The following SNX30 variants were observed in gnomAD, a reference collection of about 807,000 sequenced individuals.
SNX30 encodes the protein sorting nexin family member 30, also known as sorting nexin-30.
Under a neutral mutation model 46.4 loss-of-function variants are expected in SNX30, and 24 were observed. That is an observed-to-expected ratio of 0.52 (90% CI 0.37 to 0.73). The LOEUF is 0.73. SNX30 is among the 30% of genes least tolerant of loss of function. The pLI, the probability that SNX30 is intolerant of heterozygous loss-of-function variation, is 0.00. For synonymous variants in SNX30, 189 were observed against 211.5 expected (o/e 0.89, Z 0.92); for missense variants, 533 against 555.7 (o/e 0.96, Z 0.41).
intron 7 of SNX30, among the ~76,000 whole-genome samples, chr9:112,857,088 G>A (rs1841143675): frequency 6.6e-6 from 1 of 152,210 alleles, no homozygotes; most frequent in Non-Finnish European, 1.5e-5. Context: ...GGGGCGCCCT[G>A]CCTTTCCCGA....
At chr9:112,860,709 G>C (rs1841211517) in intron 7 of SNX30, among the ~76,000 whole-genome samples, 1 of 152,308 alleles carries the variant, frequency 6.6e-6, no homozygotes, top group East Asian at 1.9e-4. Flanking sequence ...GGGTGGAGTA[G>C]CATTGGCAAA....
intron 7 of SNX30, among the ~76,000 whole-genome samples, chr9:112,854,713 G>A (rs1841092475): frequency 6.6e-6 from 1 of 152,250 alleles, no homozygotes; most frequent in South Asian, 2.1e-4. Flanking sequence ...TTGGTGGGCA[G>A]AGGAGGGTGC....
chr9:112,829,574 G>T (rs193274475), intron 3 of SNX30, among the ~76,000 whole-genome samples: 11 of 152,368 alleles, frequency 7.2e-5, no homozygotes, highest in African/African-American at 1.7e-4. Flanking sequence ...GAGCCACCAC[G>T]CCCAGCCTTG....
At chr9:112,837,887 CTTTT>C (rs10713538) in intron 5 of SNX30, among the ~76,000 whole-genome samples, 5 of 71,168 alleles carry the variant, frequency 7.0e-5, no homozygotes, top group Non-Finnish European at 7.7e-5. Context: ...TGGTTCTTTT[CTTTT>C]TTTTTTTTTT....
rs141974875 is a variant in SNX30 at position 112,762,873 on chromosome 9, G to A, written c.156+11716G>A. ...GGAGGAAGCCGCTGGGAGCCAGCAT[G>A]GAGCACGAGCCTCGGTTATTCCCAC... On this transcript the variant is annotated intron_variant, in intron 1 of 8. Transcript: ENST00000374232. Among the ~76,000 whole-genome samples the A allele has an allele frequency of 2.5e-3, 387 of 152,372 alleles. 1 individual carries two copies. Among genetic ancestry groups the A allele is most frequent in the African/African-American group, 8.7e-3 (360 of 41,594 alleles).
chr9:112,865,624 CATATATATATATATATATATAT>C (rs796986603), intron 8 of SNX30, among the ~76,000 whole-genome samples: 9 of 79,006 alleles, frequency 1.1e-4, no homozygotes, highest in Non-Finnish European at 1.6e-4. Context: ...CCTGTCACGC[CATATATATATATATATATATAT>C]ATATATATAT....
intron 4 of SNX30, among the ~76,000 whole-genome samples, chr9:112,832,509 AG>A (rs1251404072): frequency 6.7e-4 from 88 of 130,400 alleles, no homozygotes; most frequent in African/African-American, 2.2e-3. Flanking sequence ...AGAGAGAGAG[AG>A]AGGAGATTTA....
chr9:112,765,911 C>T lies in SNX30; in HGVS notation c.156+14754C>T, dbSNP rs552211121. On this transcript the variant is annotated intron_variant, in intron 1 of 8. Transcript: ENST00000374232. ...CTCTGCCTCCTGGGTTCAAGTGATTCTCCTGCCTCAGCCTCCCGAGTAGCT... is the reference window on the plus strand; with the variant it reads ...CTCTGCCTCCTGGGTTCAAGTGATTTTCCTGCCTCAGCCTCCCGAGTAGCT... Among the ~76,000 whole-genome samples the T allele has an allele frequency of 4.6e-5, 7 of 152,310 alleles. No individual in the cohort carries two copies. The East Asian group carries it at 1.3e-3, about 29-fold the overall frequency.
rs1192374545 is a variant in SNX30, at chr9:112,865,649, A to G, written c.1254+1250A>G. Among the ~76,000 whole-genome samples, 24 of 86,052 alleles carry G rather than the reference A, an allele frequency of 2.8e-4. 3 individuals carry two copies. Among genetic ancestry groups the G allele is most frequent in the East Asian group, 1.3e-3 (4 of 2,974 alleles). 56.5% of individuals were successfully genotyped at this position (86,052 alleles called of 152,430 possible). On this transcript the variant is annotated intron_variant, in intron 8 of 8. Coordinates refer to ENST00000374232, the MANE Select transcript of SNX30 (RefSeq NM_001012994.2). The stretch of plus-strand genomic sequence containing the variant: ...CATATATATATATATATATATATAT[A>G]TATATATATATATGTATGTATGTAT...
In SNX30 at chr9:112,850,962, G is replaced by C; in HGVS notation, c.1101+17G>C. 1 of 1,603,680 alleles carries C rather than the reference G, an allele frequency of 6.2e-7. No individual in the cohort carries two copies. Among genetic ancestry groups the C allele is most frequent in the Non-Finnish European group, 8.5e-7 (1 of 1,170,830 alleles). ...CGCCCCAAGGTCAGGGAAGCCACCT[G>C]GGAAGGGCTGCAAAGCTGTAGTCTC... On this transcript the variant is annotated intron_variant, in intron 7 of 8. Coordinates refer to ENST00000374232, the MANE Select transcript of SNX30 (RefSeq NM_001012994.2).
chr9:112,842,072 T>C (rs1207742646), intron 6 of SNX30, among the ~76,000 whole-genome samples: 1 of 152,146 alleles, frequency 6.6e-6, no homozygotes, highest in African/African-American at 2.4e-5. Context: ...GGCTCCCGAG[T>C]AGCTGGGATT....
At chr9:112,843,218 A>G (rs1447186415) in intron 6 of SNX30, among the ~76,000 whole-genome samples, 1 of 152,206 alleles carries the variant, frequency 6.6e-6, no homozygotes, top group East Asian at 1.9e-4. Context: ...CAAGCATGTA[A>G]TTGAATCGGA....
intron 6 of SNX30, among the ~76,000 whole-genome samples, chr9:112,842,736 A>G (rs1338002548): frequency 6.6e-6 from 1 of 152,246 alleles, no homozygotes; most frequent in Non-Finnish European, 1.5e-5. Context: ...TTTCAGGACA[A>G]TTGTGGCTAG....
chr9:112,846,081 A>T (rs1262962301), intron 6 of SNX30, among the ~76,000 whole-genome samples: 1 of 152,224 alleles, frequency 6.6e-6, no homozygotes, highest in African/African-American at 2.4e-5. Flanking sequence ...AAATTAATAG[A>T]AGAGTTAGAA....
chr9:112,834,892 A>G (rs532084838), intron 4 of SNX30, among the ~76,000 whole-genome samples: 11 of 141,244 alleles, frequency 7.8e-5, no homozygotes, highest in South Asian at 7.2e-4. Flanking sequence ...ACCTACCTCA[A>G]TAGGAAAGGC....
chr9:112,866,759 G>GCCTCCTCAGAACTCCTCCTA (rs1841350996), intron 8 of SNX30, among the ~76,000 whole-genome samples: 2 of 104,556 alleles, frequency 1.9e-5, no homozygotes, highest in Non-Finnish European at 4.0e-5. Context: ...AACTCCTCCT[G>GCCTCCTCAGAACTCCTCCTA]CCTCCTCAGA....
chr9:112,797,711 C>CTTTT (rs71384277), intron 1 of SNX30, among the ~76,000 whole-genome samples: 15 of 121,334 alleles, frequency 1.2e-4, no homozygotes, highest in African/African-American at 2.8e-4. Flanking sequence ...TTTTCTTTTT[C>CTTTT]TTTTTTTTTT....
chr9:112,885,640 C>T (rs954021775), downstream of SNX30: 2 of 152,066 alleles, frequency 1.3e-5, no homozygotes, highest in Non-Finnish European at 2.9e-5. Context: ...GTGTAAAATA[C>T]ATACTGGATT....
At chr9:112,858,431 C>T (rs1363472043) in intron 7 of SNX30, among the ~76,000 whole-genome samples, 3 of 152,140 alleles carry the variant, frequency 2.0e-5, no homozygotes, top group African/African-American at 7.2e-5. Flanking sequence ...AGGAGGATCG[C>T]TTGAACTTGG....
Sources: gnomAD v4.1 joint callset for allele counts (sites outside exome capture counted in the v4.1 genomes callset) on GRCh38, gnomAD v4.1.1 for gene constraint, MANE v1.5 for transcripts, NCBI Gene and HGNC (gene_info 2026-07-23, HGNC 2026-07-21) for gene names.